The following ZFP2 variants were observed in gnomAD, a reference collection of about 807,000 sequenced individuals.
The protein encoded by ZFP2 is zinc finger protein ZFP2.
In ZFP2, 33 loss-of-function variants were observed where a neutral mutation model predicts 36.1. That is an observed-to-expected ratio of 0.92 (90% CI 0.69 to 1.22). The LOEUF (loss-of-function observed/expected upper bound fraction) is 1.22. Among genes scored for constraint, ZFP2 ranks in the 50% most tolerant of loss-of-function variants. The probability of loss-of-function intolerance (pLI) is 0.00; values close to 1 mark genes in which losing one functional copy is unlikely to be tolerated. For missense variants in ZFP2, 522 were observed against 551.4 expected (o/e 0.95, Z 0.53); for synonymous variants, 170 against 178.0 (o/e 0.96, Z 0.36).
rs373361380 is a variant in ZFP2, at chr5:178,932,089, T to A, written c.776T>A (p.Val259Glu). ...TTCAGTCAAAGCATGCATCTTATTGTACATCAGAGAAGCCATACTGGAGAA... is the reference window on the plus strand; with the variant it reads ...TTCAGTCAAAGCATGCATCTTATTGAACATCAGAGAAGCCATACTGGAGAA... Reference protein sequence around the residue: ...KAFSQSMHLIVHQRSHTGEKP... With the variant: ...KAFSQSMHLIEHQRSHTGEKP... The change falls in exon 5 of 5, where the codon GTA becomes GAA. Residue 259 changes from valine to glutamate, a missense_variant. By Grantham distance (121) the Val-to-Glu change is moderately radical. Coordinates refer to ENST00000361362, the MANE Select transcript of ZFP2 (RefSeq NM_030613.4). 1 of 1,614,078 alleles carries A rather than the reference T, an allele frequency of 6.2e-7. No individual in the cohort carries two copies. Among genetic ancestry groups the A allele is most frequent in the South Asian group, 1.1e-5 (1 of 91,078 alleles).
chr5:178,906,939 A>T (rs1487674972), intron 1 of ZFP2, among the ~76,000 whole-genome samples: 1 of 151,914 alleles, frequency 6.6e-6, no homozygotes, highest in Non-Finnish European at 1.5e-5. Flanking sequence ...TTGGAAGCTG[A>T]ACTATACAAG....
chr5:178,902,560 A>T (rs1253764373), intron 1 of ZFP2, among the ~76,000 whole-genome samples: 1 of 151,954 alleles, frequency 6.6e-6, no homozygotes, highest in African/African-American at 2.4e-5. Context: ...TATTTCATAG[A>T]ATGATCCTCA....
At position 178,925,126 on chromosome 5, in the gene ZFP2, T is replaced by TATATATAC. The variant is rs1176286324; in HGVS notation, c.-77-6110_-77-6109insTATATACA. On this transcript the variant is annotated intron_variant, in intron 4 of 4. Coordinates refer to ENST00000361362, the MANE Select transcript of ZFP2 (RefSeq NM_030613.4). ...GAATCTTTATATATATATATATATA[T>TATATATAC]ACACACACACACACACACACACACA... Among the ~76,000 whole-genome samples the TATATATAC allele has an allele frequency of 3.9e-4, 52 of 133,590 alleles. 3 individuals carry two copies. The highest frequency in any genetic ancestry group is 6.0e-4 in the Non-Finnish European group (37 of 61,986). The allele number at this position is 133,590 out of a possible 152,430, so 87.6% of individuals were successfully genotyped here.
chr5:178,910,806 C>T (rs1385910465), intron 1 of ZFP2, among the ~76,000 whole-genome samples: 2 of 152,144 alleles, frequency 1.3e-5, no homozygotes, highest in Non-Finnish European at 2.9e-5. Flanking sequence ...GGTTTCCAGG[C>T]TCCCTACCCC....
chr5:178,903,950 C>T (rs1758112477), intron 1 of ZFP2, among the ~76,000 whole-genome samples: 1 of 151,668 alleles, frequency 6.6e-6, no homozygotes, highest in Non-Finnish European at 1.5e-5. Context: ...AAGATTGTGC[C>T]ACTGCACTCT....
intron 1 of ZFP2, among the ~76,000 whole-genome samples, chr5:178,900,877 G>A (rs1230158161): frequency 6.6e-6 from 1 of 152,098 alleles, no homozygotes. Context: ...TCACTGGTTT[G>A]ATTTCTGTCC....
At chr5:178,912,081 C>T (rs138751548) in intron 1 of ZFP2, among the ~76,000 whole-genome samples, 423 of 152,170 alleles carry the variant, frequency 2.8e-3, no homozygotes, top group African/African-American at 9.7e-3. Flanking sequence ...TGCAGTAAGC[C>T]GAGAACGTGC....
intron 4 of ZFP2, among the ~76,000 whole-genome samples, chr5:178,924,401 A>C (rs1324021568): frequency 6.8e-6 from 1 of 147,174 alleles, no homozygotes; most frequent in Non-Finnish European, 1.5e-5. Context: ...AACCTGCCCA[A>C]GGTCACACAG....
intron 1 of ZFP2, among the ~76,000 whole-genome samples, chr5:178,908,263 ATG>A (rs1758208246): frequency 1.3e-5 from 2 of 152,088 alleles, no homozygotes; most frequent in African/African-American, 4.8e-5. Flanking sequence ...CCTGGCTAAC[ATG>A]GTGAAACCCT....
chr5:178,927,254 T>C (rs1004714264), intron 4 of ZFP2, among the ~76,000 whole-genome samples: 4 of 152,156 alleles, frequency 2.6e-5, no homozygotes, highest in Admixed American at 6.5e-5. Context: ...ATTTAGGAAA[T>C]GGTAGTATCC....
At chr5:178,906,406 C>T (rs1355325387) in intron 1 of ZFP2, among the ~76,000 whole-genome samples, 1 of 152,174 alleles carries the variant, frequency 6.6e-6, no homozygotes, top group Non-Finnish European at 1.5e-5. Flanking sequence ...ACGTTATTCT[C>T]ACTGCTTTCT....
intron 1 of ZFP2, chr5:178,910,619 C>T (rs866666944): frequency 4.1e-5 from 17 of 416,454 alleles, no homozygotes; most frequent in South Asian, 1.8e-4. Flanking sequence ...ACTGGTGTCC[C>T]GGCCTCTAGA....
intron 1 of ZFP2, among the ~76,000 whole-genome samples, chr5:178,911,515 G>A (rs1215707705): frequency 1.3e-5 from 2 of 152,134 alleles, no homozygotes; most frequent in African/African-American, 4.8e-5. Context: ...AAGACAAGGA[G>A]AAAGACTTTT....
chr5:178,932,894 C>T lies in ZFP2; in HGVS notation c.*195C>T. 1.4e-6 allele frequency: 1 copy of T among 703,526 alleles called. No individual in the cohort carries two copies. Among genetic ancestry groups the T allele is most frequent in the Non-Finnish European group, 2.2e-6 (1 of 452,300 alleles). The allele number at this position is 703,526 out of a possible 1,614,324, so 43.6% of individuals were successfully genotyped here. ...ATCTTGATTCAGAATGTATAATTTCCTTTATATCAGAAGGTTTAAATAGCT... is the reference window on the plus strand; with the variant it reads ...ATCTTGATTCAGAATGTATAATTTCTTTTATATCAGAAGGTTTAAATAGCT... On this transcript the variant is annotated 3_prime_UTR_variant, in exon 5 of 5. Coordinates refer to ENST00000361362, the MANE Select transcript of ZFP2 (RefSeq NM_030613.4).
Position 178,932,118 on chromosome 5 carries a change from C to A in ZFP2, c.805C>A (p.Pro269Thr), listed in dbSNP as rs777065455. ...TCAGAGAAGCCATACTGGAGAAAAA[C>A]CCTATGAGTGTAGTCAATGTGGAAA... Reference protein sequence around the residue: ...VHQRSHTGEKPYECSQCGKAF... With the variant: ...VHQRSHTGEKTYECSQCGKAF... The change falls in exon 5 of 5, where the codon CCC (proline) becomes ACC (threonine). Residue 269 changes from proline to threonine, a missense_variant. Physicochemically the swap from Pro to Thr is conservative, Grantham distance 38. Coordinates refer to ENST00000361362, the MANE Select transcript of ZFP2 (RefSeq NM_030613.4). 10 of 1,612,896 alleles carry A rather than the reference C, an allele frequency of 6.2e-6. 1 individual carries two copies. In the Admixed American group the frequency reaches 1.7e-4, roughly 27 times the overall value.
In ZFP2 at chr5:178,907,621, G is replaced by GATAAATAAATAA. The variant is rs10687726; in HGVS notation, c.-449-4954_-449-4943dup. 2.7e-3 allele frequency among the ~76,000 whole-genome samples: 401 copies of GATAAATAAATAA among 150,174 alleles called. 1 individual carries two copies. The highest frequency in any genetic ancestry group is 7.3e-3 in the African/African-American group (298 of 40,780). The stretch of plus-strand genomic sequence containing the variant: ...CAAGTAAGCTCATGATATTCAAAGA[G>GATAAATAAATAA]ATAAATAAATAAATAAATAACAATT... On this transcript the variant is annotated intron_variant, in intron 1 of 4. Transcript: ENST00000361362.
rs755724035 is a variant in ZFP2, at chr5:178,932,889, A to C, written c.*190A>C. On this transcript the variant is annotated 3_prime_UTR_variant, in exon 5 of 5. Transcript: ENST00000361362. ...GAGAAATCTTGATTCAGAATGTATA[A>C]TTTCCTTTATATCAGAAGGTTTAAA... 41 of 724,768 alleles carry C rather than the reference A, an allele frequency of 5.7e-5. No individual in the cohort carries two copies. Among genetic ancestry groups the C allele is most frequent in the Non-Finnish European group, 8.7e-5 (41 of 469,952 alleles). The allele number at this position is 724,768 out of a possible 1,614,324, so 44.9% of individuals were successfully genotyped here.
In ZFP2 at chr5:178,931,241, G is replaced by A; in HGVS notation, c.-73G>A. 1 of 1,514,716 alleles carries A rather than the reference G, an allele frequency of 6.6e-7. No homozygotes were observed. The highest frequency in any genetic ancestry group is 8.8e-7 in the Non-Finnish European group (1 of 1,136,180). The allele number at this position is 1,514,716 out of a possible 1,614,324, so 93.8% of individuals were successfully genotyped here. On this transcript the variant is annotated 5_prime_UTR_variant, in exon 5 of 5. Coordinates refer to ENST00000361362, the MANE Select transcript of ZFP2 (RefSeq NM_030613.4). ...TGAATTTTTTTTTTTTTTCAGACTG[G>A]GAGACAAGACTTGAAACCAAAGAGC...
At chr5:178,930,312 T>C (rs1758799590) in intron 4 of ZFP2, among the ~76,000 whole-genome samples, 2 of 139,732 alleles carry the variant, frequency 1.4e-5, no homozygotes, top group Non-Finnish European at 3.1e-5. Context: ...TTTTTCCCTT[T>C]CCTTTTTTTT....
Sources: allele counts gnomAD v4.1 joint callset (sites outside exome capture counted in the v4.1 genomes callset), GRCh38; gene constraint gnomAD v4.1.1; transcripts MANE v1.5; gene names NCBI Gene and HGNC (gene_info 2026-07-23, HGNC 2026-07-21).